Variants in ARRB1 observed in about 807,000 individuals in gnomAD.
The protein encoded by ARRB1 is arrestin beta 1, also known as beta-arrestin-1.
A neutral mutation model predicts 56.8 loss-of-function variants in ARRB1; 21 were observed. That is an observed-to-expected ratio of 0.37 (90% confidence interval 0.26 to 0.53). The LOEUF is 0.53. ARRB1 is among the 20% of genes least tolerant of loss of function. The pLI is 0.88. For missense variants in ARRB1, 424 were observed against 553.7 expected (o/e 0.77, Z 2.35); for synonymous variants, 210 against 218.6 (o/e 0.96, Z 0.35).
chr11:75,313,458 T>A (rs1565135064), intron 1 of ARRB1, among the ~76,000 whole-genome samples: 1 of 150,920 alleles, frequency 6.6e-6, no homozygotes. Context: ...AGGGGGAGAG[T>A]CTGAGGAGGA....
chr11:75,334,707 G>A (rs1054926852), intron 1 of ARRB1, among the ~76,000 whole-genome samples: 5 of 152,236 alleles, frequency 3.3e-5, no homozygotes, highest in African/African-American at 1.2e-4. Context: ...TACATGGCAA[G>A]TGAAGCTGCA....
At position 75,298,773 on chromosome 11, in the gene ARRB1, G is replaced by GA. The variant is rs113880482; in HGVS notation, c.21-8735dup. 1.3e-3 allele frequency among the ~76,000 whole-genome samples: 196 copies of GA among 146,080 alleles called. 2 individuals carry two copies. Among genetic ancestry groups the GA allele is most frequent in the African/African-American group, 4.3e-3 (172 of 40,278 alleles). Reference sequence around the variant, plus strand: ...ATTATTCAAAATAGCCAAAAAGAGTGAAAAAAAAAATCTATCAATGAATAC... The same window carrying GA: ...ATTATTCAAAATAGCCAAAAAGAGTGAAAAAAAAAAATCTATCAATGAATAC... On this transcript the variant is annotated intron_variant, in intron 1 of 15. Transcript: ENST00000420843.
chr11:75,318,780 C>T (rs1253728518), intron 1 of ARRB1, among the ~76,000 whole-genome samples: 1 of 152,050 alleles, frequency 6.6e-6, no homozygotes, highest in Non-Finnish European at 1.5e-5. Context: ...CCCAACATAA[C>T]TGTTGCATTT....
At chr11:75,324,606 CGTGTGG>C (rs972003702) in intron 1 of ARRB1, among the ~76,000 whole-genome samples, 3 of 152,034 alleles carry the variant, frequency 2.0e-5, no homozygotes, top group African/African-American at 4.8e-5. Flanking sequence ...GGGGAGTGTG[CGTGTGG>C]GTGTGGGTGT....
chr11:75,300,917 G>A (rs1323072163), intron 1 of ARRB1, among the ~76,000 whole-genome samples: 2 of 144,794 alleles, frequency 1.4e-5, no homozygotes, highest in Non-Finnish European at 3.0e-5. Context: ...GCAGTGAGCC[G>A]AGATCGCGCC....
At chr11:75,320,440 G>A (rs1052716460) in intron 1 of ARRB1, among the ~76,000 whole-genome samples, 5 of 152,252 alleles carry the variant, frequency 3.3e-5, no homozygotes, top group African/African-American at 1.2e-4. Context: ...GAAGGAGGCG[G>A]GAAAGAAGCT....
rs1591914786 is a variant in ARRB1 at position 75,283,469 on chromosome 11, T to C, written c.172A>G (p.Thr58Ala). ...LKERRVYVTL[T>A]CAFRYGREDL... is the part of the protein sequence containing the mutation. ...TCCCGGCCATAGCGGAAGGCGCAGG[T>C]CAGCGTCACATAGACTGTGGGGAGC... Residue 58 changes from threonine (T) to alanine (A), a missense_variant, in exon 5 of 16, where the codon ACC becomes GCC. By Grantham distance (58) the Thr-to-Ala change is moderately conservative. Transcript: ENST00000420843. 1.2e-6 allele frequency: 2 copies of C among 1,612,062 alleles called. No individual in the cohort carries two copies.
Position 75,314,548 on chromosome 11 carries a change from T to G in ARRB1, c.21-24509A>C, listed in dbSNP as rs112714455. ...CAGGTCAGAGCAATGGTTAAGGCTT[T>G]GGGATCTGCCACTCACTAGCTGGGT... On this transcript the variant is annotated intron_variant, in intron 1 of 15. Transcript: ENST00000420843. Among the ~76,000 whole-genome samples, 960 of 152,234 alleles carry G rather than the reference T, an allele frequency of 6.3e-3. 13 individuals are homozygous for G. The highest frequency in any genetic ancestry group is 0.022 in the African/African-American group (916 of 41,546).
chr11:75,339,765 C>G (rs551348380), intron 1 of ARRB1, among the ~76,000 whole-genome samples: 4 of 152,296 alleles, frequency 2.6e-5, no homozygotes, highest in African/African-American at 9.6e-5. Flanking sequence ...TGTCTGGGTC[C>G]TCTTCATATT....
chr11:75,297,879 A>AAG (rs1946797009), intron 1 of ARRB1, among the ~76,000 whole-genome samples: 1 of 149,318 alleles, frequency 6.7e-6, no homozygotes, highest in Admixed American at 6.7e-5. Flanking sequence ...AAAAAAAAAA[A>AAG]AAAAAAAAAA....
At chr11:75,303,825 A>G (rs1245173607) in intron 1 of ARRB1, among the ~76,000 whole-genome samples, 1 of 152,198 alleles carries the variant, frequency 6.6e-6, no homozygotes, top group Non-Finnish European at 1.5e-5. Context: ...GCATCCAAAC[A>G]GGGCCTGCAC....
At position 75,283,442 on chromosome 11, in the gene ARRB1, C is replaced by T. The variant is rs1946394643; in HGVS notation, c.199G>A (p.Asp67Asn). 1.2e-6 allele frequency: 2 copies of T among 1,613,822 alleles called. No homozygotes were observed. The highest frequency in any genetic ancestry group is 1.7e-6 in the Non-Finnish European group (2 of 1,179,806). Reference protein sequence around the residue: ...LTCAFRYGREDLDVLGLTFRK... With the variant: ...LTCAFRYGRENLDVLGLTFRK... ...AAGGTCAGGCCCAGGACATCCAGGTCCTCCCGGCCATAGCGGAAGGCGCAG... is the reference window on the plus strand; with the variant it reads ...AAGGTCAGGCCCAGGACATCCAGGTTCTCCCGGCCATAGCGGAAGGCGCAG... Residue 67 changes from aspartate to asparagine, a missense_variant, in exon 5 of 16, where the codon GAC (aspartate) becomes AAC (asparagine). Physicochemically the swap from Asp to Asn is conservative, Grantham distance 23 (BLOSUM62 1). Around this residue, in one of 3 missense-constraint regions of ARRB1, gnomAD observed 301 missense variants for 387.9 expected, o/e 0.78. Transcript: ENST00000420843.
rs112699618 is a variant in ARRB1, at chr11:75,343,737, A to G, written c.20+7851T>C. ...TAATCCATGCTAATCAGATCACCGA[A>G]GGGCCTGCAGGTGCCCAGAGGAGGC... On this transcript the variant is annotated intron_variant, in intron 1 of 15. Transcript: ENST00000420843. 5.3e-3 allele frequency among the ~76,000 whole-genome samples: 814 copies of G among 152,256 alleles called. 16 individuals carry two copies. The highest frequency in any genetic ancestry group is 0.018 in the African/African-American group (768 of 41,554).
chr11:75,310,382 C>T (rs1375108587), intron 1 of ARRB1, among the ~76,000 whole-genome samples: 2 of 152,160 alleles, frequency 1.3e-5, no homozygotes, highest in Non-Finnish European at 2.9e-5. Context: ...ATCCAGGGCC[C>T]TGCCTCTGTG....
chr11:75,271,742 G>A lies in ARRB1; in HGVS notation c.999-18C>T, dbSNP rs1163904009. 1.3e-6 allele frequency: 2 copies of A among 1,569,868 alleles called. No individual in the cohort carries two copies. Among genetic ancestry groups the A allele is most frequent in the South Asian group, 2.4e-5 (2 of 84,876 alleles). On this transcript the variant is annotated intron_variant, in intron 12 of 15. Coordinates refer to ENST00000420843, the MANE Select transcript of ARRB1 (RefSeq NM_004041.5). ...CCAACAGGCTGGGTGGGTCAGAGGA[G>A]GCAGGAGAAGTGGTCAGGAGAGAGT...
rs139828269 is a variant in ARRB1, at chr11:75,320,465, C to T, written c.21-30426G>A. Among the ~76,000 whole-genome samples, 711 of 152,268 alleles carry T rather than the reference C, an allele frequency of 4.7e-3. 4 individuals carry two copies. The highest frequency in any genetic ancestry group is 0.016 in the African/African-American group (672 of 41,546). ...GGAAAGAAGCTGAGGCCTCCAAGGG[C>T]GGGTGGCTGGATGGTGGCCCTGAGG... On this transcript the variant is annotated intron_variant, in intron 1 of 15. Transcript: ENST00000420843.
intron 1 of ARRB1, among the ~76,000 whole-genome samples, chr11:75,307,674 T>C (rs909799806): frequency 2.0e-5 from 3 of 152,204 alleles, no homozygotes; most frequent in Non-Finnish European, 4.4e-5. Context: ...GGGGAAGGTC[T>C]TCCCTCTGGA....
intron 1 of ARRB1, among the ~76,000 whole-genome samples, chr11:75,319,157 G>A (rs1319388221): frequency 1.1e-4 from 16 of 152,098 alleles, no homozygotes; most frequent in Admixed American, 1.0e-3. Flanking sequence ...AACCACAGCT[G>A]GCTCCAACAG....
At chr11:75,299,727 C>A (rs1946851886) in intron 1 of ARRB1, among the ~76,000 whole-genome samples, 1 of 152,172 alleles carries the variant, frequency 6.6e-6, no homozygotes, top group Admixed American at 6.5e-5. Flanking sequence ...TCTGATAACA[C>A]CCTCTGCTTC....
Sources: gnomAD v4.1 joint callset for allele counts (sites outside exome capture counted in the v4.1 genomes callset) on GRCh38, gnomAD v4.1.1 for gene constraint, gnomAD v4.1.1 regional missense constraint, MANE v1.5 for transcripts, NCBI Gene and HGNC (gene_info 2026-07-23, HGNC 2026-07-21) for gene names.